Variants in HSD17B1 observed in about 807,000 individuals in gnomAD.
HSD17B1 encodes hydroxysteroid 17-beta dehydrogenase 1.
In HSD17B1, 16 loss-of-function variants were observed where a neutral mutation model predicts 22.7. The ratio of observed to expected loss-of-function variants is 0.71; its 90% CI spans 0.48 to 1.07. The LOEUF (loss-of-function observed/expected upper bound fraction) is 1.07, where lower values mean the gene tolerates loss of function less well. HSD17B1 is among the 50% of genes least tolerant of loss of function. The pLI is 0.00. For missense variants in HSD17B1, 533 were observed against 459.9 expected (o/e 1.16, Z -1.45); for synonymous variants, 243 against 211.0 (o/e 1.15, Z -1.31).
intron 3 of HSD17B1, 42 bp from the exon 4 acceptor site, chr17:42,553,752 C>G (rs1448418522): frequency 6.2e-7 from 1 of 1,602,974 alleles, no homozygotes. Context: ...GGGGATGACC[C>G]CCTGGCCGCT....
Position 42,554,573 on chromosome 17 carries a change from G to C in HSD17B1, c.708G>C (p.Glu236Asp). 6.2e-7 allele frequency: 1 copy of C among 1,613,422 alleles called. No homozygotes were observed. The highest frequency in any genetic ancestry group is 1.1e-5 in the South Asian group (1 of 91,074). The change falls in exon 5 of 6, where the codon GAG becomes GAC. Residue 236 changes from glutamate to aspartate, a missense_variant. Coordinates refer to ENST00000585807, the MANE Select transcript of HSD17B1 (RefSeq NM_000413.4). ...VFREAAQNPE[E>D]VAEVFLTALR... Reference sequence around the variant, plus strand: ...GCGAGGCGGCGCAGAACCCTGAGGAGGTGGCGGAGGTGAGCGCCGGGCTGG... The same window carrying C: ...GCGAGGCGGCGCAGAACCCTGAGGACGTGGCGGAGGTGAGCGCCGGGCTGG...
intron 2 of HSD17B1, 28 bp from the exon 3 acceptor site, chr17:42,553,411 G>T: frequency 1.2e-6 from 2 of 1,609,432 alleles, no homozygotes; most frequent in South Asian, 1.1e-5. Flanking sequence ...ATGCTGAGGC[G>T]GGCTGGTCGG....
rs1259469458 is a variant in HSD17B1 at position 42,554,791 on chromosome 17, G to C, written c.840G>C (p.Met280Ile). The change falls in exon 6 of 6, where the codon ATG (methionine) becomes ATC (isoleucine). Residue 280 changes from methionine (M) to isoleucine (I), a missense_variant. Physicochemically the swap from Met to Ile is conservative, Grantham distance 10 (BLOSUM62 1). Transcript: ENST00000585807. Reference sequence around the variant, plus strand: ...GCGGCTCCAACTACGTCACCGCCATGCACCGGGAAGTGTTCGGCGACGTTC... The same window carrying C: ...GCGGCTCCAACTACGTCACCGCCATCCACCGGGAAGTGTTCGGCGACGTTC... ...DPSGSNYVTA[M>I]HREVFGDVPA... The C allele has an allele frequency of 2.4e-5, 38 of 1,602,452 alleles. No individual in the cohort carries two copies. The highest frequency in any genetic ancestry group is 3.2e-5 in the Non-Finnish European group (38 of 1,179,678).
rs1160554711 is a variant in HSD17B1, at chr17:42,554,453, G to A, written c.588G>A (p.Lys196=). Residue 196 remains lysine (K), a synonymous_variant, in exon 5 of 6, where the codon AAG becomes AAA. Transcript: ENST00000585807. ...CGPVHTAFME[K]VLGSPEEVLD... ...CAGTGCACACCGCCTTCATGGAGAA[G>A]GTGTTGGGCAGCCCAGAGGAGGTGC... The A allele has an allele frequency of 1.9e-6, 3 of 1,613,242 alleles. No homozygotes were observed. The highest frequency in any genetic ancestry group is 1.7e-5 in the Admixed American group (1 of 59,896).
chr17:42,553,011 T>C lies in HSD17B1; in HGVS notation c.78T>C (p.Asp26=). The C allele has an allele frequency of 1.9e-6, 3 of 1,614,106 alleles. No individual in the cohort carries two copies. Among genetic ancestry groups the C allele is most frequent in the Non-Finnish European group, 2.5e-6 (3 of 1,179,998 alleles). Residue 26 remains aspartate (D), a synonymous_variant, in exon 1 of 6, where the codon GAT becomes GAC. Transcript: ENST00000585807. ...GLHLAVRLAS[D]PSQSFKVYAT... ...ACTTGGCCGTACGTCTGGCTTCAGA[T>C]CCATCCCAGAGCTTCAAAGGTATAG...
chr17:42,553,988 T>C (rs1346276447), intron 4 of HSD17B1, 101 bp downstream of exon 4: 5 of 1,046,646 alleles, frequency 4.8e-6, no homozygotes, highest in Non-Finnish European at 7.2e-6. Context: ...TCCCTGGCCC[T>C]CTCTGCCCGG....
Position 42,553,588 on chromosome 17 carries a change from T to C in HSD17B1, c.415T>C (p.Leu139=), listed in dbSNP as rs768499194. 6.2e-7 allele frequency: 1 copy of C among 1,611,254 alleles called. No individual in the cohort carries two copies. Among genetic ancestry groups the C allele is most frequent in the Non-Finnish European group, 8.5e-7 (1 of 1,178,808 alleles). Residue 139 remains leucine, a synonymous_variant, in exon 3 of 6, where the codon TTG becomes CTG. Coordinates refer to ENST00000585807, the MANE Select transcript of HSD17B1 (RefSeq NM_000413.4). ...DMKRRGSGRV[L]VTGSVGGLMG... is the part of the protein sequence containing the mutation. ...GAAGAGGCGCGGTTCGGGACGCGTG[T>C]TGGTGACCGGGAGCGTGGGAGGATT...
intron 1 of HSD17B1, 34 bp from the exon 2 acceptor site, chr17:42,553,090 A>C (rs1396568424): frequency 6.2e-7 from 1 of 1,613,818 alleles, no homozygotes; most frequent in African/African-American, 1.3e-5. Context: ...GCCAGAAGGG[A>C]AGTCAGATCT....
chr17:42,553,424 C>A lies in HSD17B1; in HGVS notation c.266-15C>A. 6.2e-7 allele frequency: 1 copy of A among 1,611,092 alleles called. No homozygotes were observed. The highest frequency in any genetic ancestry group is 1.3e-5 in the African/African-American group (1 of 75,062). ...TGATGCTGAGGCGGGCTGGTCGGGC[C>A]TCTTGTCTCCGCAGTGTGTAACGCA... On this transcript the variant is annotated splice_polypyrimidine_tract_variant and intron_variant, in intron 2 of 5. Coordinates refer to ENST00000585807, the MANE Select transcript of HSD17B1 (RefSeq NM_000413.4).
chr17:42,554,428 C>T lies in HSD17B1; in HGVS notation c.563C>T (p.Pro188Leu). The T allele has an allele frequency of 6.2e-7, 1 of 1,612,010 alleles. No homozygotes were observed. The highest frequency in any genetic ancestry group is 1.3e-5 in the African/African-American group (1 of 74,976). ...AGCTTGAGCCTGATCGAGTGCGGCC[C>T]AGTGCACACCGCCTTCATGGAGAAG... ...GVHLSLIECG[P>L]VHTAFMEKVL... The change falls in exon 5 of 6, where the codon CCA becomes CTA. Residue 188 changes from proline (P) to leucine (L), a missense_variant. Pro to Leu is a moderately conservative substitution (Grantham distance 98, BLOSUM62 -3). Coordinates refer to ENST00000585807, the MANE Select transcript of HSD17B1 (RefSeq NM_000413.4).
Position 42,554,007 on chromosome 17 carries a change from A to G in HSD17B1, c.539+120A>G. The G allele has an allele frequency of 2.2e-6, 2 of 900,962 alleles. 1 individual carries two copies. Among genetic ancestry groups the G allele is most frequent in the Non-Finnish European group, 3.5e-6 (2 of 565,412 alleles). 55.8% of individuals were successfully genotyped at this position (900,962 alleles called of 1,614,324 possible). A position where few individuals can be genotyped will look rare whatever the true frequency, so the allele number is the denominator to read the frequency against. ...TGGCCCTCTCTGCCCGGCTCACATT[A>G]GCTGTGTGCCAGGCACTTGGGCTGG... On this transcript the variant is annotated intron_variant, in intron 4 of 5. Coordinates refer to ENST00000585807, the MANE Select transcript of HSD17B1 (RefSeq NM_000413.4).
intron 4 of HSD17B1, 165 bp from the exon 5 acceptor site, chr17:42,554,240 A>G (rs1406107468): frequency 1.0e-6 from 1 of 999,574 alleles, no homozygotes; most frequent in African/African-American, 1.6e-5. Flanking sequence ...CCGCGTTTCA[A>G]ATGTTCTGGT....
chr17:42,554,008 G>A, intron 4 of HSD17B1, 121 bp downstream of exon 4: 2 of 898,822 alleles, frequency 2.2e-6, no homozygotes, highest in Non-Finnish European at 3.5e-6. Context: ...GCTCACATTA[G>A]CTGTGTGCCA....
chr17:42,553,955 G>A, intron 4 of HSD17B1, 68 bp downstream of exon 4: 1 of 1,351,528 alleles, frequency 7.4e-7, no homozygotes, highest in Non-Finnish European at 1.0e-6. Flanking sequence ...ACCCTGTCCT[G>A]CGGGAGCCGC....
intron 4 of HSD17B1, 54 bp downstream of exon 4, chr17:42,553,941 G>T: frequency 6.2e-6 from 9 of 1,459,050 alleles, no homozygotes; most frequent in Non-Finnish European, 8.5e-6. Flanking sequence ...TAGAGACGCC[G>T]AGCACCCTGT....
In HSD17B1 at chr17:42,553,801, T is replaced by C. The variant is rs543721042; in HGVS notation, c.453T>C (p.Pro151=). The C allele has an allele frequency of 6.2e-7, 1 of 1,613,118 alleles. No individual in the cohort carries two copies. The highest frequency in any genetic ancestry group is 2.2e-5 in the East Asian group (1 of 44,842). ...TGSVGGLMGL[P]FNDVYCASKF... ...CTCGTCTCCCCACCTAAGGGCTGCC[T>C]TTCAATGACGTTTATTGCGCCAGCA... Residue 151 remains proline, a synonymous_variant, in exon 4 of 6, where the codon CCT becomes CCC. Transcript: ENST00000585807.
Position 42,553,434 on chromosome 17 carries a change from C to T in HSD17B1, c.266-5C>T, listed in dbSNP as rs769027018. 1.2e-6 allele frequency: 2 copies of T among 1,611,926 alleles called. No individual in the cohort carries two copies. The highest frequency in any genetic ancestry group is 1.1e-5 in the South Asian group (1 of 91,070). On this transcript the variant is annotated splice_polypyrimidine_tract_variant and splice_region_variant and intron_variant, in intron 2 of 5. Coordinates refer to ENST00000585807, the MANE Select transcript of HSD17B1 (RefSeq NM_000413.4). Reference sequence around the variant, plus strand: ...GCGGGCTGGTCGGGCCTCTTGTCTCCGCAGTGTGTAACGCAGGCCTGGGCC... The same window carrying T: ...GCGGGCTGGTCGGGCCTCTTGTCTCTGCAGTGTGTAACGCAGGCCTGGGCC...
In HSD17B1 at chr17:42,554,901, A is replaced by T. The variant is rs2092958397; in HGVS notation, c.950A>T (p.Asp317Val). Residue 317 changes from aspartate to valine, a missense_variant, in exon 6 of 6, where the codon GAC becomes GTC. Physicochemically the swap from Asp to Val is radical, Grantham distance 152. Transcript: ENST00000585807. ...GAGGCCGGGCGCGGTGCGGTGGGGG[A>T]CCCTGAGCTCGGCGATCCTCCGGCC... ...EDEAGRGAVGDPELGDPPAAP... is the reference protein window; with the variant it reads ...EDEAGRGAVGVPELGDPPAAP... 3 of 1,504,426 alleles carry T rather than the reference A, an allele frequency of 2.0e-6. No homozygotes were observed. Among genetic ancestry groups the T allele is most frequent in the Non-Finnish European group, 1.8e-6 (2 of 1,136,754 alleles). The allele number at this position is 1,504,426 out of a possible 1,614,324, so 93.2% of individuals were successfully genotyped here.
rs201061449 is a variant in HSD17B1 at position 42,553,045 on chromosome 17, G to A, written c.97+15G>A. 4.9e-5 allele frequency: 79 copies of A among 1,614,116 alleles called. No homozygotes were observed. The Admixed American group carries it at 9.0e-4, about 18-fold the overall frequency. On this transcript the variant is annotated intron_variant, in intron 1 of 5. Coordinates refer to ENST00000585807, the MANE Select transcript of HSD17B1 (RefSeq NM_000413.4). ...GAGCTTCAAAGGTATAGATAGGCAG[G>A]GACAGGGAGGGAGAGAAGGGAGGAG...
Sources: gnomAD v4.1 joint callset for allele counts on GRCh38, gnomAD v4.1.1 for gene constraint, MANE v1.5 for transcripts, NCBI Gene and HGNC (gene_info 2026-07-23, HGNC 2026-07-21) for gene names.